The following MYLK3 variants were observed in gnomAD, a reference collection of about 807,000 sequenced individuals.
The protein encoded by MYLK3 is myosin light chain kinase 3.
MYLK3 carries 55 observed loss-of-function variants against 76.3 expected under a neutral mutation model. The observed-to-expected ratio is 0.72, with a 90% CI of 0.58 to 0.90. The LOEUF (loss-of-function observed/expected upper bound fraction) is 0.90. Among genes scored for constraint, MYLK3 ranks in the 40% least tolerant of loss-of-function variants. MYLK3 has a pLI of 0.00. For missense variants in MYLK3, 973 were observed against 1,053.6 expected (o/e 0.92, Z 1.06); for synonymous variants, 416 against 425.4 (o/e 0.98, Z 0.27).
At chr16:46,743,541 C>A (rs36465) in intron 1 of MYLK3, among the ~76,000 whole-genome samples, 150,092 of 152,288 alleles carry the variant, frequency 0.99, 73,992 homozygotes, top group East Asian at 1. Flanking sequence ...TGATGGGGAG[C>A]CTGGACCAAA....
intron 1 of MYLK3, among the ~76,000 whole-genome samples, chr16:46,744,819 G>C (rs917806725): frequency 2.6e-5 from 4 of 152,086 alleles, no homozygotes; most frequent in Non-Finnish European, 5.9e-5. Flanking sequence ...GGGCAATGTA[G>C]TAAGACCCTG....
chr16:46,743,756 G>C (rs1017173830), intron 1 of MYLK3, among the ~76,000 whole-genome samples: 1 of 151,806 alleles, frequency 6.6e-6, no homozygotes, highest in African/African-American at 2.4e-5. Flanking sequence ...AAATCAATAA[G>C]AAAAAGGCAA....
At chr16:46,743,425 G>C (rs559507036) in intron 1 of MYLK3, among the ~76,000 whole-genome samples, 2 of 152,334 alleles carry the variant, frequency 1.3e-5, no homozygotes, top group East Asian at 3.9e-4. Flanking sequence ...CTGTGTCTCA[G>C]TTCACCGCTC....
At chr16:46,715,337 T>C (rs1307055978) in intron 9 of MYLK3, among the ~76,000 whole-genome samples, 3 of 152,210 alleles carry the variant, frequency 2.0e-5, no homozygotes, top group South Asian at 2.1e-4. Flanking sequence ...AATAAATTAC[T>C]GTCATGTTAA....
At chr16:46,748,365 T>A (rs1260908331), upstream of MYLK3, 1 of 1,239,258 alleles carries the variant, frequency 8.1e-7, no homozygotes, top group African/African-American at 1.5e-5. This position sits in a 1 kb window ranked among gnomAD's most constrained non-coding sequence, Gnocchi z 4.3. Context: ...GAGGCCCAGG[T>A]TCTTCCTGTG....
At chr16:46,730,464 C>T (rs1966850384) in intron 5 of MYLK3, 129 bp downstream of exon 5, 2 of 731,552 alleles carry the variant, frequency 2.7e-6, no homozygotes, top group East Asian at 5.2e-5. Flanking sequence ...GGATGTCCCA[C>T]CCCAGCCTTG....
chr16:46,747,921 G>A lies in MYLK3; in HGVS notation c.273C>T (p.Pro91=), dbSNP rs765907664. ...VPHIDTQAGW[P]EVLELVRAMQ... is the part of the protein sequence containing the mutation. ...TGGCCCTCACCAGCTCCAGGACCTCGGGCCACCCAGCCTGGGTGTCAATGT... is the reference window on the plus strand; with the variant it reads ...TGGCCCTCACCAGCTCCAGGACCTCAGGCCACCCAGCCTGGGTGTCAATGT... Residue 91 remains proline (P), a synonymous_variant, in exon 1 of 13, where the codon CCC becomes CCT. Coordinates refer to ENST00000394809, the MANE Select transcript of MYLK3 (RefSeq NM_182493.3). 28 of 1,613,512 alleles carry A rather than the reference G, an allele frequency of 1.7e-5. No individual in the cohort carries two copies. Among genetic ancestry groups the A allele is most frequent in the South Asian group, 8.8e-5 (8 of 91,060 alleles).
chr16:46,737,767 A>T lies in MYLK3; in HGVS notation c.945T>A (p.Pro315=). 1.2e-6 allele frequency: 2 copies of T among 1,611,018 alleles called. No individual in the cohort carries two copies. The highest frequency in any genetic ancestry group is 1.7e-6 in the Non-Finnish European group (2 of 1,179,502). ...CCCTGGCCTGGGCTGGCAGCCCTGG[A>T]GGCCCTGGGCACTGAGGGCCAGGCC... ...TPGPGPQCPG[P]PGLPAQARAT... The change falls in exon 3 of 13, where the codon CCT becomes CCA. Residue 315 remains proline, a synonymous_variant. Transcript: ENST00000394809.
In MYLK3 at chr16:46,703,202, A is replaced by G. The variant is rs985891406; in HGVS notation, c.*4502T>C. Among the ~76,000 whole-genome samples, 4 of 152,208 alleles carry G rather than the reference A, an allele frequency of 2.6e-5. No individual in the cohort carries two copies. Among genetic ancestry groups the G allele is most frequent in the Admixed American group, 6.5e-5 (1 of 15,286 alleles). On this transcript the variant is annotated 3_prime_UTR_variant, in exon 13 of 13. Transcript: ENST00000394809. Reference sequence around the variant, plus strand: ...ATCTATAACAGCTGTGAGGTATTCCACTACATGGATGTGGCAAAATTCATT... The same window carrying G: ...ATCTATAACAGCTGTGAGGTATTCCGCTACATGGATGTGGCAAAATTCATT...
At chr16:46,758,266 C>CCACACA (rs1164674291) in intron 1 of MYLK3, among the ~76,000 whole-genome samples, 7 of 126,936 alleles carry the variant, frequency 5.5e-5, no homozygotes, top group East Asian at 2.5e-4. Context: ...CTCTCTCTCT[C>CCACACA]CACACACACA....
chr16:46,748,159 C>G lies in MYLK3; in HGVS notation c.35G>C (p.Gly12Ala). Residue 12 changes from glycine to alanine, a missense_variant, in exon 1 of 13, where the codon GGG becomes GCG. Transcript: ENST00000394809. This position sits in a 1 kb window ranked among gnomAD's most constrained non-coding sequence, Gnocchi z 4.3. ...SGTSKESLGH[G>A]GLPGLGKTCL... ...GGTCTTGCCCAACCCTGGCAGCCCCCCATGCCCCAGACTCTCCTTGGAGGT... is the reference window on the plus strand; with the variant it reads ...GGTCTTGCCCAACCCTGGCAGCCCCGCATGCCCCAGACTCTCCTTGGAGGT... The G allele has an allele frequency of 6.2e-7, 1 of 1,614,064 alleles. No individual in the cohort carries two copies. Among genetic ancestry groups the G allele is most frequent in the Non-Finnish European group, 8.5e-7 (1 of 1,179,956 alleles).
chr16:46,749,823 GC>G (rs1431219259), upstream of MYLK3, among the ~76,000 whole-genome samples: 1 of 152,228 alleles, frequency 6.6e-6, no homozygotes. Context: ...CTATGCAAAT[GC>G]AGCTTGACCA....
chr16:46,709,157 C>T (rs1281189504), intron 12 of MYLK3, among the ~76,000 whole-genome samples: 3 of 152,174 alleles, frequency 2.0e-5, no homozygotes, highest in African/African-American at 4.8e-5. Context: ...TGCAGTGGCT[C>T]ATGCCTGTAA....
upstream of MYLK3, among the ~76,000 whole-genome samples, chr16:46,750,433 C>T (rs575040474): frequency 1.2e-4 from 19 of 152,198 alleles, no homozygotes; most frequent in Non-Finnish European, 2.6e-4. Flanking sequence ...CAGTGGCTCA[C>T]GCCTATAATC....
intron 4 of MYLK3, among the ~76,000 whole-genome samples, chr16:46,731,914 C>G (rs549351657): frequency 3.0e-4 from 46 of 152,210 alleles, no homozygotes; most frequent in African/African-American, 1.1e-3. Context: ...GATCATGCCA[C>G]TGGACTCCAG....
In MYLK3 at chr16:46,710,926, T is replaced by C. The variant is rs138765578; in HGVS notation, c.2115-137A>G. On this transcript the variant is annotated intron_variant, in intron 10 of 12. Transcript: ENST00000394809. ...TTCAAAATAAAAGCACCTCCACTAC[T>C]TCTCCACAGGATGGAGTCCAGTGTG... The C allele has an allele frequency of 1.7e-3, 1,552 of 924,000 alleles. 20 individuals are homozygous for C. In the African/African-American group the frequency reaches 0.023, roughly 14 times the overall value. The allele number at this position is 924,000 out of a possible 1,614,324, so 57.2% of individuals were successfully genotyped here. A position where few individuals can be genotyped will look rare whatever the true frequency, so the allele number is the denominator to read the frequency against.
chr16:46,728,973 G>A, intron 7 of MYLK3, 51 bp downstream of exon 7: 1 of 1,349,806 alleles, frequency 7.4e-7, no homozygotes, highest in South Asian at 1.2e-5. Context: ...CTAAGCCCCA[G>A]CACTGAGCCC....
intron 1 of MYLK3, among the ~76,000 whole-genome samples, chr16:46,756,036 A>G (rs953560094): frequency 1.3e-5 from 2 of 150,644 alleles, no homozygotes; most frequent in Non-Finnish European, 2.9e-5. Flanking sequence ...GCCTCCTGAG[A>G]GTAGCTGGGA....
At chr16:46,757,039 A>C (rs1383120377) in intron 1 of MYLK3, among the ~76,000 whole-genome samples, 1 of 152,150 alleles carries the variant, frequency 6.6e-6, no homozygotes, top group Non-Finnish European at 1.5e-5. Context: ...CTCCCAGCCC[A>C]GGCCACCTCC....
Sources: allele counts gnomAD v4.1 joint callset (sites outside exome capture counted in the v4.1 genomes callset), GRCh38; gene constraint gnomAD v4.1.1; non-coding constraint Gnocchi (gnomAD v3.1); transcripts MANE v1.5; gene names NCBI Gene and HGNC (gene_info 2026-07-23, HGNC 2026-07-21).